Variants in VWC2 observed in about 807,000 individuals in gnomAD.
VWC2 encodes the protein brorin.
VWC2 carries 14 observed loss-of-function variants against 29.8 expected under a neutral mutation model. The ratio of observed to expected loss-of-function variants is 0.47; its 90% CI spans 0.31 to 0.74. VWC2 has a LOEUF of 0.74. Among genes scored for constraint, VWC2 ranks in the 30% least tolerant of loss-of-function variants. The pLI, the probability that VWC2 is intolerant of heterozygous loss-of-function variation, is 0.05. For missense variants in VWC2, 457 were observed against 459.8 expected (o/e 0.99, Z 0.05); for synonymous variants, 213 against 199.0 (o/e 1.07, Z -0.59).
intron 3 of VWC2, among the ~76,000 whole-genome samples, chr7:49,878,554 C>T (rs1229750114): frequency 6.6e-6 from 1 of 152,134 alleles, no homozygotes; most frequent in Admixed American, 6.6e-5. Flanking sequence ...ACTCCCAGCT[C>T]TCAACGCTCG....
At chr7:49,887,177 TC>T (rs1296187248) in intron 3 of VWC2, among the ~76,000 whole-genome samples, 1 of 152,146 alleles carries the variant, frequency 6.6e-6, no homozygotes, top group East Asian at 1.9e-4. Context: ...GATTTGGATT[TC>T]CCCCCCAATC....
intron 2 of VWC2, among the ~76,000 whole-genome samples, chr7:49,789,358 TGTGTGTGTGA>T (rs1788412028): frequency 6.6e-6 from 1 of 151,548 alleles, no homozygotes; most frequent in African/African-American, 2.4e-5. Context: ...TGTGGCTGTG[TGTGTGTGTGA>T]GTGTGAGTGT....
At position 49,862,746 on chromosome 7, in the gene VWC2, A is replaced by C. The variant is rs367706377; in HGVS notation, c.827-49288A>C. ...CATGAGTTTTTTTTTTTCATTCTTC[A>C]TTCTGTTAATGTGTTGTATTATGTC... On this transcript the variant is annotated intron_variant, in intron 3 of 3. Coordinates refer to ENST00000340652, the MANE Select transcript of VWC2 (RefSeq NM_198570.5). 1.6e-3 allele frequency among the ~76,000 whole-genome samples: 229 copies of C among 143,132 alleles called. 3 individuals carry two copies. The highest frequency in any genetic ancestry group is 6.0e-3 in the African/African-American group (220 of 36,660). 93.9% of individuals were successfully genotyped at this position (143,132 alleles called of 152,430 possible).
intron 3 of VWC2, among the ~76,000 whole-genome samples, chr7:49,854,550 T>C (rs990104230): frequency 5.9e-5 from 9 of 152,258 alleles, no homozygotes; most frequent in African/African-American, 2.2e-4. Context: ...GCCCACTTTT[T>C]GATGGGGTTG....
chr7:49,800,848 CAAAAAAA>C (rs1167626390), intron 2 of VWC2, among the ~76,000 whole-genome samples: 4,429 of 63,338 alleles, frequency 0.07, 245 homozygotes, highest in African/African-American at 0.21. Flanking sequence ...GTTATGGTAG[CAAAAAAA>C]AAAAAAAAAA....
At chr7:49,822,637 C>T (rs1554332261) in intron 3 of VWC2, among the ~76,000 whole-genome samples, 2 of 152,164 alleles carry the variant, frequency 1.3e-5, no homozygotes, top group Non-Finnish European at 2.9e-5. Flanking sequence ...CAGGATTTCA[C>T]CATGTTGGCC....
At position 49,839,131 on chromosome 7, in the gene VWC2, A is replaced by T. The variant is rs552065147; in HGVS notation, c.826+36291A>T. ...AGAAGGCAGCTGTCTGTAAGCCAGG[A>T]CAAGAGCCCGCACCAGACAAGAACC... On this transcript the variant is annotated intron_variant, in intron 3 of 3. Coordinates refer to ENST00000340652, the MANE Select transcript of VWC2 (RefSeq NM_198570.5). Among the ~76,000 whole-genome samples the T allele has an allele frequency of 2.2e-3, 336 of 152,290 alleles. 2 individuals carry two copies. The highest frequency in any genetic ancestry group is 7.8e-3 in the African/African-American group (326 of 41,572).
intron 2 of VWC2, among the ~76,000 whole-genome samples, chr7:49,789,015 TGTCA>T (rs1788382647): frequency 2.1e-5 from 3 of 144,754 alleles, no homozygotes; most frequent in Non-Finnish European, 4.5e-5. Flanking sequence ...CTTGAAAGTG[TGTCA>T]GTGTGAGCGT....
chr7:49,833,880 T>C (rs1789595920), intron 3 of VWC2, among the ~76,000 whole-genome samples: 1 of 152,180 alleles, frequency 6.6e-6, no homozygotes, highest in Non-Finnish European at 1.5e-5. Flanking sequence ...AATTTAGTTA[T>C]ATATTGTTTA....
At position 49,914,948 on chromosome 7, in the gene VWC2, T is replaced by C. The variant is rs1049837992; in HGVS notation, c.*2763T>C. The C allele has an allele frequency of 6.6e-6, 1 of 152,238 alleles. No homozygotes were observed. The highest frequency in any genetic ancestry group is 1.5e-5 in the Non-Finnish European group (1 of 68,040). 9.4% of individuals were successfully genotyped at this position (152,238 alleles called of 1,614,324 possible). ...TACCTAATAATTGTTAAATGATTTG[T>C]TCAAGTTAATAAACTAAATCGTGCT... On this transcript the variant is annotated 3_prime_UTR_variant, in exon 4 of 4. Coordinates refer to ENST00000340652, the MANE Select transcript of VWC2 (RefSeq NM_198570.5).
chr7:49,886,075 G>A (rs1791893336), intron 3 of VWC2, among the ~76,000 whole-genome samples: 1 of 152,246 alleles, frequency 6.6e-6, no homozygotes, highest in African/African-American at 2.4e-5. Context: ...AGATAGGGGA[G>A]AGGTCCAGAC....
intron 3 of VWC2, among the ~76,000 whole-genome samples, chr7:49,820,225 C>T (rs1789236024): frequency 6.6e-6 from 1 of 152,076 alleles, no homozygotes; most frequent in African/African-American, 2.4e-5. Context: ...CTCTGTAGCT[C>T]TGAGCCCATT....
intron 2 of VWC2, among the ~76,000 whole-genome samples, chr7:49,782,182 G>A (rs1375090415): frequency 6.6e-6 from 1 of 152,176 alleles, no homozygotes; most frequent in African/African-American, 2.4e-5. Flanking sequence ...AGCTGGGCAG[G>A]GCTGCCCCTT....
chr7:49,808,412 T>C (rs997153892), intron 3 of VWC2, among the ~76,000 whole-genome samples: 5 of 151,980 alleles, frequency 3.3e-5, no homozygotes, highest in African/African-American at 9.7e-5. Flanking sequence ...AAAGGAGAAA[T>C]AGAGGCTTAA....
intron 2 of VWC2, among the ~76,000 whole-genome samples, chr7:49,783,899 TAATAA>T (rs1472043519): frequency 6.6e-6 from 1 of 151,324 alleles, no homozygotes; most frequent in Admixed American, 6.6e-5. Flanking sequence ...AAAATAATAA[TAATAA>T]AATAAAATAA....
chr7:49,817,857 G>A (rs980940782), intron 3 of VWC2, among the ~76,000 whole-genome samples: 1 of 152,148 alleles, frequency 6.6e-6, no homozygotes, highest in Non-Finnish European at 1.5e-5. Context: ...TTATCATATA[G>A]GGGGAAAAAC....
chr7:49,906,317 T>C (rs1194339689), intron 3 of VWC2, among the ~76,000 whole-genome samples: 2 of 152,108 alleles, frequency 1.3e-5, no homozygotes, highest in Admixed American at 6.5e-5. Flanking sequence ...AAGAATATAG[T>C]AAATATTAAC....
At chr7:49,822,950 A>T (rs1249265394) in intron 3 of VWC2, among the ~76,000 whole-genome samples, 1 of 152,218 alleles carries the variant, frequency 6.6e-6, no homozygotes, top group Non-Finnish European at 1.5e-5. Context: ...ATTAGTATGA[A>T]TAATGCTCCT....
intron 3 of VWC2, among the ~76,000 whole-genome samples, chr7:49,851,935 G>A (rs1790195776): frequency 6.6e-6 from 1 of 152,132 alleles, no homozygotes; most frequent in Non-Finnish European, 1.5e-5. Context: ...CTAAAGTTCA[G>A]TGGGCTCTTT....
Sources: allele counts gnomAD v4.1 joint callset (sites outside exome capture counted in the v4.1 genomes callset), GRCh38; gene constraint gnomAD v4.1.1; transcripts MANE v1.5; gene names NCBI Gene and HGNC (gene_info 2026-07-23, HGNC 2026-07-21).